The following DNAH11 variants were observed in gnomAD, a reference collection of about 807,000 sequenced individuals.
DNAH11 encodes the protein dynein axonemal heavy chain 11, also known as axonemal beta dynein heavy chain 11.
A neutral mutation model predicts 526.0 loss-of-function variants in DNAH11; 442 were observed. That is an observed-to-expected ratio of 0.84 (90% CI 0.78 to 0.91). The LOEUF is 0.91. DNAH11 is among the 40% of genes least tolerant of loss of function. The pLI is 0.00. For synonymous variants in DNAH11, 2,461 were observed against 1,935.9 expected, an observed-to-expected ratio of 1.27 and a Z score of -7.12; for missense variants, 6,989 against 5,448.7, an observed-to-expected ratio of 1.28 and a Z score of -8.90.
chr7:21,610,179 G>C (rs2390543), intron 20 of DNAH11, among the ~76,000 whole-genome samples: 4 of 152,114 alleles, frequency 2.6e-5, no homozygotes, highest in Admixed American at 2.6e-4. Flanking sequence ...GCGTGAACCT[G>C]GGAGGTGTAG....
chr7:21,589,620 C>T (rs1583506947), intron 12 of DNAH11, among the ~76,000 whole-genome samples: 3 of 152,026 alleles, frequency 2.0e-5, no homozygotes, highest in Non-Finnish European at 2.9e-5. Context: ...TTCTTTACCA[C>T]GCCACCCTCA....
chr7:21,890,623 T>G (rs1405715713), intron 76 of DNAH11, among the ~76,000 whole-genome samples: 1 of 152,248 alleles, frequency 6.6e-6, no homozygotes, highest in Non-Finnish European at 1.5e-5. Flanking sequence ...TTTGGTTTTC[T>G]TATTCATATT....
chr7:21,767,462 C>G (rs1374374719), intron 55 of DNAH11, among the ~76,000 whole-genome samples: 1 of 152,134 alleles, frequency 6.6e-6, no homozygotes, highest in Admixed American at 6.5e-5. Flanking sequence ...CCGTTGACAT[C>G]TGCTGGATGA....
intron 26 of DNAH11, among the ~76,000 whole-genome samples, chr7:21,637,410 C>T (rs898565552): frequency 6.6e-6 from 1 of 152,094 alleles, no homozygotes; most frequent in Non-Finnish European, 1.5e-5. Flanking sequence ...TTTATAAAAA[C>T]GGTGTGCTTC....
chr7:21,869,038 G>C (rs1401144453), intron 73 of DNAH11, 47 bp downstream of exon 73: 2 of 1,611,088 alleles, frequency 1.2e-6, no homozygotes, highest in African/African-American at 1.3e-5. Context: ...ACACAGAGGA[G>C]GGCCAGGGCA....
chr7:21,885,181 AAAAAAAACAC>A (rs1385384262), intron 76 of DNAH11, among the ~76,000 whole-genome samples: 1 of 147,654 alleles, frequency 6.8e-6, no homozygotes, highest in Non-Finnish European at 1.5e-5. Flanking sequence ...TAAAAAAAAA[AAAAAAAACAC>A]ACACATTTAT....
intron 30 of DNAH11, among the ~76,000 whole-genome samples, chr7:21,664,490 G>T (rs1239998783): frequency 1.3e-5 from 2 of 151,690 alleles, no homozygotes; most frequent in East Asian, 1.9e-4. Flanking sequence ...AGACAGTCTT[G>T]CTCTTTTTCC....
intron 14 of DNAH11, among the ~76,000 whole-genome samples, chr7:21,598,934 C>T (rs571311711): frequency 6.6e-6 from 1 of 152,194 alleles, no homozygotes; most frequent in Non-Finnish European, 1.5e-5. Context: ...TTTTTTATGG[C>T]TGCATAGTAT....
chr7:21,712,395 C>A (rs1784496075), intron 42 of DNAH11, among the ~76,000 whole-genome samples: 1 of 152,192 alleles, frequency 6.6e-6, no homozygotes, highest in South Asian at 2.1e-4. Flanking sequence ...GGGTAGAACT[C>A]AGAAGAATTT....
rs192792929 is a variant in DNAH11, at chr7:21,674,574, G to A, written c.5329-6972G>A. On this transcript the variant is annotated intron_variant, in intron 30 of 81. Transcript: ENST00000409508. Reference sequence around the variant, plus strand: ...TACAGGGTTTCGCCATGTTGACCAGGCCTGTAACTCCTAGCCTCAAGTGAT... The same window carrying A: ...TACAGGGTTTCGCCATGTTGACCAGACCTGTAACTCCTAGCCTCAAGTGAT... Among the ~76,000 whole-genome samples, 20 of 152,220 alleles carry A rather than the reference G, an allele frequency of 1.3e-4. No homozygotes were observed. In the East Asian group the frequency reaches 3.1e-3, roughly 23 times the overall value.
At position 21,543,214 on chromosome 7, in the gene DNAH11, G is replaced by C; in HGVS notation, c.-32G>C. 1 of 1,488,786 alleles carries C rather than the reference G, an allele frequency of 6.7e-7. No homozygotes were observed. The highest frequency in any genetic ancestry group is 8.9e-7 in the Non-Finnish European group (1 of 1,122,734). 92.2% of individuals were successfully genotyped at this position (1,488,786 alleles called of 1,614,324 possible). ...GCCCAGAGTCTCGGGTGAGGAGCCA[G>C]CCGGCCTCGCGTTCCCTCGGACGGT... On this transcript the variant is annotated 5_prime_UTR_variant, in exon 1 of 82. Transcript: ENST00000409508.
chr7:21,617,253 TC>T (rs1279372749), intron 22 of DNAH11, among the ~76,000 whole-genome samples: 1 of 152,222 alleles, frequency 6.6e-6, no homozygotes, highest in Non-Finnish European at 1.5e-5. Flanking sequence ...AGTCATGTAT[TC>T]CGAAGGAGGT....
Position 21,705,518 on chromosome 7 carries a change from C to T in DNAH11, c.6527C>T (p.Ala2176Val), listed in dbSNP as rs770279400. Residue 2176 changes from alanine to valine, a missense_variant, in exon 39 of 82, where the codon GCA becomes GTA. Transcript: ENST00000409508. ...CACTCGGTCTTTGTAGTTGGAAATGCAGGCACAGGAAAGAGTAAGGTATAG... is the reference window on the plus strand; with the variant it reads ...CACTCGGTCTTTGTAGTTGGAAATGTAGGCACAGGAAAGAGTAAGGTATAG... ...VRHSVFVVGN[A>V]GTGKSKILRT... is the part of the protein sequence containing the mutation. The T allele has an allele frequency of 7.4e-6, 12 of 1,613,482 alleles. No homozygotes were observed. The highest frequency in any genetic ancestry group is 2.2e-5 in the East Asian group (1 of 44,880).
At chr7:21,836,446 T>C (rs979818059) in intron 65 of DNAH11, among the ~76,000 whole-genome samples, 3 of 151,920 alleles carry the variant, frequency 2.0e-5, no homozygotes, top group African/African-American at 7.2e-5. Flanking sequence ...AATCACACAC[T>C]TATAGTCAAC....
At chr7:21,824,149 C>T (rs1235842126) in intron 65 of DNAH11, among the ~76,000 whole-genome samples, 5 of 152,126 alleles carry the variant, frequency 3.3e-5, no homozygotes, top group African/African-American at 1.2e-4. Flanking sequence ...ATACTAGTTG[C>T]ATCCTAGGAG....
chr7:21,816,686 C>T lies in DNAH11; in HGVS notation c.10552C>T (p.His3518Tyr). 6.2e-7 allele frequency: 1 copy of T among 1,613,426 alleles called. No homozygotes were observed. The highest frequency in any genetic ancestry group is 1.1e-5 in the South Asian group (1 of 90,934). The change falls in exon 64 of 82, where the codon CAT becomes TAT. Residue 3518 changes from histidine to tyrosine, a missense_variant. His to Tyr is a moderately conservative substitution (Grantham distance 83). Coordinates refer to ENST00000409508, the MANE Select transcript of DNAH11 (RefSeq NM_001277115.2). ...GTATGGAATGGACCTGAAAGTCACA[C>T]ATTTGGGCCAGAAAGGGTATGTGAA... The part of the protein sequence containing the change: ...NKYGMDLKVT[H>Y]LGQKGFLNAI...
rs759797572 is a variant in DNAH11 at position 21,616,193 on chromosome 7, G to C, written c.4012-16G>C. 3.5e-5 allele frequency: 56 copies of C among 1,609,062 alleles called. No homozygotes were observed. In the Admixed American group the frequency reaches 9.4e-4, roughly 27 times the overall value. ...CCAAATGTTGTTGACACTTTTATCT[G>C]CTTTTGCGTTTTCAGAGAAGCATTG... On this transcript the variant is annotated splice_polypyrimidine_tract_variant and intron_variant, in intron 21 of 81. Transcript: ENST00000409508.
chr7:21,882,579 T>G (rs1266634734), intron 75 of DNAH11, among the ~76,000 whole-genome samples: 3 of 152,158 alleles, frequency 2.0e-5, no homozygotes, highest in Non-Finnish European at 4.4e-5. Context: ...GCGGATCGCT[T>G]GAGTCCAGAA....
At chr7:21,637,358 C>A (rs534620047) in intron 26 of DNAH11, among the ~76,000 whole-genome samples, 67 of 152,072 alleles carry the variant, frequency 4.4e-4, no homozygotes, top group African/African-American at 1.5e-3. Flanking sequence ...GAGAAAAATT[C>A]TGTGTGGGCC....
Sources: gnomAD v4.1 joint callset for allele counts (sites outside exome capture counted in the v4.1 genomes callset) on GRCh38, gnomAD v4.1.1 for gene constraint, MANE v1.5 for transcripts, NCBI Gene and HGNC (gene_info 2026-07-23, HGNC 2026-07-21) for gene names.